Variants in NAALADL2 observed in about 807,000 individuals in gnomAD.
The protein encoded by NAALADL2 is inactive N-acetylated-alpha-linked acidic dipeptidase-like protein 2.
A neutral mutation model predicts 87.2 loss-of-function variants in NAALADL2; 76 were observed. That is an observed-to-expected ratio of 0.87 (90% CI 0.72 to 1.05). The LOEUF (loss-of-function observed/expected upper bound fraction) is 1.05, where lower values mean the gene tolerates loss of function less well. NAALADL2 is among the 50% of genes least tolerant of loss of function. The probability of loss-of-function intolerance (pLI) is 0.00; values close to 1 mark genes in which losing one functional copy is unlikely to be tolerated. For missense variants in NAALADL2, 1,089 were observed against 945.8 expected, an observed-to-expected ratio of 1.15 and a Z score of -1.99; for synonymous variants, 354 against 331.0, an observed-to-expected ratio of 1.07 and a Z score of -0.75.
At chr3:174,669,900 T>TA (rs1560132269) in intron 2 of NAALADL2, among the ~76,000 whole-genome samples, 1 of 151,046 alleles carries the variant, frequency 6.6e-6, no homozygotes, top group African/African-American at 2.4e-5. Flanking sequence ...TTTGTGTCTT[T>TA]TTTAATTTCT....
chr3:174,569,310 A>G (rs1163035311), intron 2 of NAALADL2, among the ~76,000 whole-genome samples: 2 of 152,024 alleles, frequency 1.3e-5, no homozygotes, highest in Admixed American at 1.3e-4. Flanking sequence ...TTAATAATGT[A>G]AGAATAGTAT....
chr3:175,243,832 G>C (rs756510855), intron 3 of NAALADL2, among the ~76,000 whole-genome samples: 9 of 152,118 alleles, frequency 5.9e-5, no homozygotes, highest in Non-Finnish European at 1.3e-4. Flanking sequence ...GAAATGGGAA[G>C]ATAAAGTTAC....
chr3:175,024,077 T>C (rs1402233024), intron 1 of NAALADL2, among the ~76,000 whole-genome samples: 1 of 152,014 alleles, frequency 6.6e-6, no homozygotes, highest in Non-Finnish European at 1.5e-5. Context: ...CTTTAGTTTT[T>C]TCTCCTAAAA....
intron 9 of NAALADL2, among the ~76,000 whole-genome samples, chr3:175,515,966 TA>T (rs1272312356): frequency 6.6e-6 from 1 of 152,228 alleles, no homozygotes; most frequent in Non-Finnish European, 1.5e-5. Flanking sequence ...AAAATCCTTT[TA>T]AAATAAAGCT....
intron 1 of NAALADL2, among the ~76,000 whole-genome samples, chr3:175,084,447 T>C (rs938908871): frequency 2.0e-5 from 3 of 152,154 alleles, no homozygotes; most frequent in African/African-American, 7.2e-5. Context: ...CCTCTCCATA[T>C]GGTCTCTCCA....
chr3:174,705,828 C>T (rs1273358128), intron 2 of NAALADL2, among the ~76,000 whole-genome samples: 1 of 150,560 alleles, frequency 6.6e-6, no homozygotes, highest in Non-Finnish European at 1.5e-5. Flanking sequence ...CTTAAATTAT[C>T]AGTGTTGGAT....
intron 2 of NAALADL2, among the ~76,000 whole-genome samples, chr3:174,570,452 T>C (rs1199849068): frequency 2.6e-5 from 4 of 152,220 alleles, no homozygotes; most frequent in Non-Finnish European, 5.9e-5. Context: ...TATTAGATTG[T>C]TGTATTTTAA....
chr3:174,644,601 A>G (rs771141702), intron 2 of NAALADL2, among the ~76,000 whole-genome samples: 51 of 152,154 alleles, frequency 3.4e-4, no homozygotes, highest in Admixed American at 1.8e-3. Context: ...TTCAAGAGTC[A>G]ACTGTAGCAT....
At chr3:175,457,003 A>G (rs893049911) in intron 6 of NAALADL2, among the ~76,000 whole-genome samples, 16 of 152,106 alleles carry the variant, frequency 1.1e-4, no homozygotes, top group African/African-American at 3.6e-4. Context: ...CAAGCTCTGA[A>G]TCTTTAACAG....
intron 11 of NAALADL2, among the ~76,000 whole-genome samples, chr3:175,636,553 G>A (rs1728570966): frequency 6.6e-6 from 1 of 151,892 alleles, no homozygotes; most frequent in Admixed American, 6.6e-5. Flanking sequence ...ACAAAAAGCA[G>A]CCAGATGTGG....
At chr3:174,897,870 T>G (rs1360738526) in intron 1 of NAALADL2, among the ~76,000 whole-genome samples, 1 of 149,160 alleles carries the variant, frequency 6.7e-6, no homozygotes, top group Admixed American at 6.6e-5. Context: ...TCCCAGCACT[T>G]TGGGAGGCCG....
chr3:174,688,039 A>T (rs574019328), intron 2 of NAALADL2, among the ~76,000 whole-genome samples: 208 of 152,288 alleles, frequency 1.4e-3, no homozygotes, highest in Admixed American at 1.8e-3. Context: ...TAGCAGTGTG[A>T]GAACAGACTA....
intron 2 of NAALADL2, among the ~76,000 whole-genome samples, chr3:174,710,325 G>A (rs1211240344): frequency 1.3e-5 from 2 of 151,090 alleles, no homozygotes; most frequent in Admixed American, 6.6e-5. Context: ...CGCGATCTCG[G>A]CTCACTGCAA....
chr3:175,115,593 A>C (rs943134374), intron 2 of NAALADL2, among the ~76,000 whole-genome samples: 1 of 151,658 alleles, frequency 6.6e-6, no homozygotes, highest in Non-Finnish European at 1.5e-5. Flanking sequence ...AATTTCTTCT[A>C]TATTTTGATG....
chr3:175,392,799 G>T (rs575104335), intron 5 of NAALADL2, among the ~76,000 whole-genome samples: 5 of 152,108 alleles, frequency 3.3e-5, no homozygotes, highest in African/African-American at 1.2e-4. Flanking sequence ...TTCCTGATCT[G>T]CAACCACCCA....
intron 2 of NAALADL2, among the ~76,000 whole-genome samples, chr3:174,709,182 T>C (rs1435251993): frequency 6.6e-6 from 1 of 152,058 alleles, no homozygotes; most frequent in Non-Finnish European, 1.5e-5. Flanking sequence ...ATTAGTAGAA[T>C]AGAAATACAG....
At chr3:175,416,256 A>T (rs1714615120) in intron 5 of NAALADL2, among the ~76,000 whole-genome samples, 1 of 152,218 alleles carries the variant, frequency 6.6e-6, no homozygotes, top group African/African-American at 2.4e-5. Context: ...AACAAAAAAC[A>T]TTTAATGCTC....
chr3:175,234,664 CAT>C (rs1745523503), intron 3 of NAALADL2, among the ~76,000 whole-genome samples: 1 of 151,896 alleles, frequency 6.6e-6, no homozygotes, highest in Admixed American at 6.6e-5. Context: ...ATGGAAAACA[CAT>C]GTGATAAGCC....
chr3:174,606,033 C>G (rs1719014890), intron 2 of NAALADL2, among the ~76,000 whole-genome samples: 1 of 152,180 alleles, frequency 6.6e-6, no homozygotes, highest in African/African-American at 2.4e-5. Context: ...GTTCTGCAGC[C>G]ACCGCTGCTG....
Sources: allele counts gnomAD v4.1 joint callset (sites outside exome capture counted in the v4.1 genomes callset), GRCh38; gene constraint gnomAD v4.1.1; transcripts MANE v1.5; gene names NCBI Gene and HGNC (gene_info 2026-07-23, HGNC 2026-07-21).